TUT4: variants seen among roughly 807,000 people sequenced by gnomAD.
TUT4 encodes the protein terminal uridylyltransferase 4.
TUT4 carries 36 observed loss-of-function variants against 192.2 expected under a neutral mutation model. The observed-to-expected ratio is 0.19, with a 90% CI of 0.14 to 0.25. The LOEUF (loss-of-function observed/expected upper bound fraction) is 0.25. TUT4 is among the 10% of genes least tolerant of loss of function. TUT4 has a pLI of 1.00. For synonymous variants in TUT4, 618 were observed against 666.0 expected (o/e 0.93, Z 1.11); for missense variants, 1,493 against 1,957.2 (o/e 0.76, Z 4.47).
At chr1:52,459,577 G>C (rs975101925) in intron 19 of TUT4, among the ~76,000 whole-genome samples, 2 of 151,792 alleles carry the variant, frequency 1.3e-5, no homozygotes, top group Non-Finnish European at 2.9e-5. Context: ...CAACAGAGTG[G>C]AATCCTGCCT....
chr1:52,483,766 C>A (rs987487420), intron 9 of TUT4, among the ~76,000 whole-genome samples: 4 of 151,942 alleles, frequency 2.6e-5, no homozygotes, highest in African/African-American at 9.7e-5. Context: ...GCTGAGATTG[C>A]GCCACTACAC....
intron 1 of TUT4, among the ~76,000 whole-genome samples, chr1:52,547,348 T>C (rs1688342181): frequency 6.6e-6 from 1 of 151,272 alleles, no homozygotes; most frequent in Non-Finnish European, 1.5e-5. Context: ...CACAATGAGG[T>C]AGTGAGATAG....
intron 2 of TUT4, among the ~76,000 whole-genome samples, chr1:52,518,667 G>A (rs1163959405): frequency 6.6e-6 from 1 of 152,054 alleles, no homozygotes; most frequent in Non-Finnish European, 1.5e-5. Flanking sequence ...GTTACAACAT[G>A]GATAAACCTT....
At chr1:52,476,510 C>T (rs1570720369) in intron 12 of TUT4, among the ~76,000 whole-genome samples, 2 of 152,258 alleles carry the variant, frequency 1.3e-5, no homozygotes, top group Middle Eastern at 6.8e-3. Context: ...CTCTCCACTA[C>T]TGAAGATCTT....
intron 1 of TUT4, among the ~76,000 whole-genome samples, chr1:52,535,656 T>G (rs1684712578): frequency 1.3e-5 from 2 of 152,172 alleles, no homozygotes; most frequent in African/African-American, 4.8e-5. Flanking sequence ...CCCAATCTGA[T>G]GAAAGACACA....
intron 20 of TUT4, among the ~76,000 whole-genome samples, chr1:52,447,683 T>C (rs1190402527): frequency 6.6e-6 from 1 of 152,100 alleles, no homozygotes; most frequent in Non-Finnish European, 1.5e-5. Flanking sequence ...GCTTAAGAGA[T>C]GCAATAAAGT....
At chr1:52,442,595 C>T (rs1400234237) in intron 24 of TUT4, among the ~76,000 whole-genome samples, 1 of 152,138 alleles carries the variant, frequency 6.6e-6, no homozygotes, top group African/African-American at 2.4e-5. Flanking sequence ...AATCTGAAAT[C>T]TCAAATGCTC....
intron 4 of TUT4, among the ~76,000 whole-genome samples, chr1:52,507,842 G>A (rs1487638716): frequency 6.6e-6 from 1 of 151,802 alleles, no homozygotes; most frequent in East Asian, 1.9e-4. Context: ...ATAGAGTCTC[G>A]CTCCCTCGCC....
chr1:52,498,410 AT>A (rs1280817278), intron 4 of TUT4, among the ~76,000 whole-genome samples: 1 of 151,562 alleles, frequency 6.6e-6, no homozygotes. Flanking sequence ...CGCCTGGCTA[AT>A]TTTTTTGTAT....
In TUT4 at chr1:52,516,005, G is replaced by C. The variant is rs911995596; in HGVS notation, c.768C>G (p.Asp256Glu). 6.2e-7 allele frequency: 1 copy of C among 1,613,014 alleles called. No homozygotes were observed. The highest frequency in any genetic ancestry group is 8.5e-7 in the Non-Finnish European group (1 of 1,179,672). The change falls in exon 3 of 30, where the codon GAC (aspartate) becomes GAG (glutamate). Residue 256 changes from aspartate (D) to glutamate (E), a missense_variant. By Grantham distance (45) the Asp-to-Glu change is conservative. Transcript: ENST00000257177. ...CTATCACAGTGGCATTTTCTAAGTA[G>C]TCCATCTCTGAAGAATTTTCTTTAT... ...ESNKENSSEM[D>E]YLENATVIDE...
At chr1:52,471,386 T>C (rs1213139409) in intron 14 of TUT4, among the ~76,000 whole-genome samples, 1 of 152,230 alleles carries the variant, frequency 6.6e-6, no homozygotes, top group Non-Finnish European at 1.5e-5. Context: ...TATCACATCA[T>C]TAATCCTGAT....
rs370213352 is a variant in TUT4 at position 52,461,496 on chromosome 1, T to A, written c.3231+17A>T. The A allele has an allele frequency of 1.9e-6, 3 of 1,599,748 alleles. No homozygotes were observed. Among genetic ancestry groups the A allele is most frequent in the Non-Finnish European group, 2.6e-6 (3 of 1,170,716 alleles). ...TAAAATGAAAAGTATATACATGGCC[T>A]ATAAAGATAAACTTACCAACGTATT... On this transcript the variant is annotated intron_variant, in intron 18 of 29. Transcript: ENST00000257177.
chr1:52,486,570 T>TA (rs578032782), intron 9 of TUT4, among the ~76,000 whole-genome samples: 2 of 152,176 alleles, frequency 1.3e-5, no homozygotes, highest in Non-Finnish European at 2.9e-5. Flanking sequence ...AAAGCTATTT[T>TA]AAAAAAATCT....
At chr1:52,490,229 C>A (rs1670807505) in intron 8 of TUT4, among the ~76,000 whole-genome samples, 1 of 148,212 alleles carries the variant, frequency 6.7e-6, no homozygotes, top group Non-Finnish European at 1.5e-5. Flanking sequence ...CGGCTCACTG[C>A]AGCCTCAACC....
At chr1:52,458,859 G>T (rs1392329929) in intron 19 of TUT4, among the ~76,000 whole-genome samples, 1 of 152,032 alleles carries the variant, frequency 6.6e-6, no homozygotes, top group Non-Finnish European at 1.5e-5. Flanking sequence ...CTGCAAACAT[G>T]CCAAAACATA....
At chr1:52,479,137 A>T (rs1292394152) in intron 11 of TUT4, among the ~76,000 whole-genome samples, 1 of 152,152 alleles carries the variant, frequency 6.6e-6, no homozygotes, top group Non-Finnish European at 1.5e-5. Flanking sequence ...AATGGGAAAC[A>T]GGGCAAACAC....
intron 2 of TUT4, among the ~76,000 whole-genome samples, chr1:52,520,859 C>A (rs1332305487): frequency 6.6e-6 from 1 of 152,054 alleles, no homozygotes; most frequent in South Asian, 2.1e-4. Context: ...ATGACGCGAT[C>A]TCAGCTCACT....
chr1:52,425,163 G>T, intron 29 of TUT4, 186 bp downstream of exon 29: 1 of 557,222 alleles, frequency 1.8e-6, no homozygotes, highest in Non-Finnish European at 2.9e-6. Flanking sequence ...TCCTAATAAA[G>T]TGTGCATCAA....
At chr1:52,463,434 T>G in intron 16 of TUT4, 1 of 1,024,288 alleles carries the variant, frequency 9.8e-7, no homozygotes, top group South Asian at 3.5e-5. Context: ...TGGCCAGAAG[T>G]TAAGTCATCA....
Sources: allele counts gnomAD v4.1 joint callset (sites outside exome capture counted in the v4.1 genomes callset), GRCh38; gene constraint gnomAD v4.1.1; transcripts MANE v1.5; gene names NCBI Gene and HGNC (gene_info 2026-07-23, HGNC 2026-07-21).